JAK2: variants seen among roughly 807,000 people sequenced by gnomAD.
The protein encoded by JAK2 is tyrosine-protein kinase JAK2.
JAK2 carries 86 observed loss-of-function variants against 139.3 expected under a neutral mutation model. The ratio of observed to expected loss-of-function variants is 0.62; its 90% CI spans 0.52 to 0.74. The LOEUF is 0.74. JAK2 is among the 30% of genes least tolerant of loss of function. The probability of loss-of-function intolerance (pLI) is 0.00; values close to 1 mark genes in which losing one functional copy is unlikely to be tolerated. For synonymous variants in JAK2, 490 were observed against 437.7 expected (o/e 1.12, Z -1.49); for missense variants, 1,421 against 1,360.3 (o/e 1.04, Z -0.70).
At chr9:5,037,602 C>T (rs1050726902) in intron 4 of JAK2, among the ~76,000 whole-genome samples, 1 of 151,996 alleles carries the variant, frequency 6.6e-6, no homozygotes, top group African/African-American at 2.4e-5. Context: ...CAAACTATCG[C>T]AAGGACAAAA....
At chr9:5,064,675 T>C (rs1020009831) in intron 8 of JAK2, among the ~76,000 whole-genome samples, 1 of 152,220 alleles carries the variant, frequency 6.6e-6, no homozygotes, top group African/African-American at 2.4e-5. Context: ...TAGAGTGAAC[T>C]ATAACTGGGA....
intron 5 of JAK2, 98 bp downstream of exon 5, chr9:5,044,618 T>C (rs1477046434): frequency 1.1e-5 from 8 of 723,350 alleles, no homozygotes; most frequent in Non-Finnish European, 1.8e-5. Context: ...TATGGGAAAA[T>C]TGCAGTTCTG....
At chr9:5,055,847 T>C in intron 8 of JAK2, 59 bp downstream of exon 8, 1 of 1,460,826 alleles carries the variant, frequency 6.8e-7, no homozygotes, top group South Asian at 1.2e-5. Context: ...AAATGTGTAT[T>C]TTAGAATCTT....
chr9:5,120,684 C>T (rs970027331), intron 22 of JAK2, among the ~76,000 whole-genome samples: 7 of 152,098 alleles, frequency 4.6e-5, no homozygotes, highest in African/African-American at 7.2e-5. Context: ...GACCTCTGTG[C>T]TAGTCATGAG....
chr9:5,074,398 C>T (rs1450819973), intron 14 of JAK2, among the ~76,000 whole-genome samples: 1 of 152,104 alleles, frequency 6.6e-6, no homozygotes, highest in African/African-American at 2.4e-5. Context: ...GCAACATTTT[C>T]CCAACAGCAT....
intron 2 of JAK2, among the ~76,000 whole-genome samples, chr9:5,015,353 G>T (rs1235274893): frequency 6.6e-6 from 1 of 152,088 alleles, no homozygotes; most frequent in African/African-American, 2.4e-5. Flanking sequence ...ACCTATTCAA[G>T]GGTTTAATGA....
intron 3 of JAK2, 94 bp from the exon 4 acceptor site, chr9:5,029,689 A>C (rs1319510754): frequency 1.8e-6 from 2 of 1,127,900 alleles, no homozygotes; most frequent in Admixed American, 2.6e-5. Context: ...CGATTTTAAG[A>C]GTTGTTACTT....
chr9:5,030,912 T>C (rs974554284), intron 4 of JAK2, among the ~76,000 whole-genome samples: 2 of 152,008 alleles, frequency 1.3e-5, no homozygotes, highest in Non-Finnish European at 2.9e-5. Context: ...TTCAAAGAAA[T>C]AATAGATGTA....
intron 2 of JAK2, among the ~76,000 whole-genome samples, chr9:4,992,758 G>T (rs1310637050): frequency 6.6e-6 from 1 of 152,278 alleles, no homozygotes; most frequent in South Asian, 2.1e-4. Flanking sequence ...TTACAAAATG[G>T]AAAAGGCACA....
intron 22 of JAK2, among the ~76,000 whole-genome samples, chr9:5,121,659 A>G (rs1823623351): frequency 6.6e-6 from 1 of 152,222 alleles, no homozygotes; most frequent in South Asian, 2.1e-4. Context: ...AGAGATTTTT[A>G]AAAGATTTAC....
chr9:5,070,868 A>G (rs954734160), intron 12 of JAK2, among the ~76,000 whole-genome samples: 3 of 152,116 alleles, frequency 2.0e-5, no homozygotes, highest in Non-Finnish European at 4.4e-5. Context: ...TTTAAGAGCA[A>G]TTTAAAAGGG....
At chr9:5,064,816 A>G (rs1818452205) in intron 8 of JAK2, 67 bp from the exon 9 acceptor site, 1 of 1,248,872 alleles carries the variant, frequency 8.0e-7, no homozygotes, top group Non-Finnish European at 1.1e-6. Flanking sequence ...AATGAAGAAA[A>G]TTTTCAATAT....
chr9:5,102,566 G>C (rs892582409), intron 22 of JAK2, among the ~76,000 whole-genome samples: 1 of 152,104 alleles, frequency 6.6e-6, no homozygotes. Context: ...TCCTCGAGAA[G>C]AGCAACCCCA....
At chr9:5,080,963 T>G (rs1184022445) in intron 18 of JAK2, among the ~76,000 whole-genome samples, 2 of 144,926 alleles carry the variant, frequency 1.4e-5, no homozygotes, top group Non-Finnish European at 3.0e-5. Flanking sequence ...TGGCGCGATC[T>G]CGGCTCACTG....
At chr9:5,122,571 A>G (rs1009702930) in intron 22 of JAK2, among the ~76,000 whole-genome samples, 2 of 152,108 alleles carry the variant, frequency 1.3e-5, no homozygotes, top group African/African-American at 4.8e-5. Flanking sequence ...TTTCTATGTC[A>G]GAGATTCCCA....
chr9:5,051,428 C>T (rs929459751), intron 6 of JAK2, among the ~76,000 whole-genome samples: 4 of 151,982 alleles, frequency 2.6e-5, no homozygotes, highest in East Asian at 1.9e-4. Flanking sequence ...ATTAGACTCA[C>T]GTGGGGGAGC....
intron 22 of JAK2, chr9:5,112,890 C>T (rs1822755501): frequency 5.4e-6 from 2 of 368,900 alleles, no homozygotes; most frequent in Non-Finnish European, 9.1e-6. Flanking sequence ...CCCTCAGCCC[C>T]GTGGGCTGGG....
intron 2 of JAK2, among the ~76,000 whole-genome samples, chr9:4,988,048 G>C (rs10156618): frequency 0.47 from 71,393 of 152,062 alleles, 19,567 homozygotes; most frequent in African/African-American, 0.78. Flanking sequence ...TTGACTTTGT[G>C]TCTCTGCTTA....
chr9:5,095,439 G>A (rs1217303380), intron 22 of JAK2, among the ~76,000 whole-genome samples: 2 of 152,074 alleles, frequency 1.3e-5, no homozygotes, highest in African/African-American at 4.8e-5. Context: ...TAATTCTCAT[G>A]ATGGGTATCC....
Sources: gnomAD v4.1 joint callset for allele counts (sites outside exome capture counted in the v4.1 genomes callset) on GRCh38, gnomAD v4.1.1 for gene constraint, MANE v1.5 for transcripts, NCBI Gene and HGNC (gene_info 2026-07-23, HGNC 2026-07-21) for gene names.